The following CTIF variants were observed in gnomAD, a reference collection of about 807,000 sequenced individuals.
CTIF encodes CBP80/20-dependent translation initiation factor.
CTIF carries 21 observed loss-of-function variants against 66.0 expected under a neutral mutation model. That is an observed-to-expected ratio of 0.32 (90% CI 0.23 to 0.46). The LOEUF is 0.46. Ranked by LOEUF, CTIF falls within the 20% of genes least tolerant of loss-of-function variation. CTIF has a pLI of 1.00. For missense variants in CTIF, 739 were observed against 812.7 expected (o/e 0.91, Z 1.10); for synonymous variants, 345 against 326.4 (o/e 1.06, Z -0.62).
At chr18:48,588,544 A>G (rs2089820276) in intron 1 of CTIF, among the ~76,000 whole-genome samples, 1 of 152,030 alleles carries the variant, frequency 6.6e-6, no homozygotes. Flanking sequence ...CCTGTCACCT[A>G]GCTGATCCCC....
intron 10 of CTIF, among the ~76,000 whole-genome samples, chr18:48,820,895 G>T (rs543657785): frequency 6.6e-6 from 1 of 152,170 alleles, no homozygotes; most frequent in Non-Finnish European, 1.5e-5. Context: ...GCTCACAGAG[G>T]CCCCCTTCAT....
chr18:48,852,963 A>G (rs2069242416), intron 10 of CTIF, among the ~76,000 whole-genome samples: 1 of 152,134 alleles, frequency 6.6e-6, no homozygotes, highest in African/African-American at 2.4e-5. Context: ...TGACAGGGGT[A>G]TGGGGAGGGG....
In CTIF at chr18:48,740,412, C is replaced by A. The variant is rs551729932; in HGVS notation, c.585-17507C>A. On this transcript the variant is annotated intron_variant, in intron 7 of 11. Transcript: ENST00000256413. ...ACCTCTTCCTGCAACCCCACCCTCA[C>A]TGGCCATGCACCTGGTGTCTCCATC... Among the ~76,000 whole-genome samples the A allele has an allele frequency of 4.6e-5, 7 of 152,380 alleles. No individual in the cohort carries two copies. In the South Asian group the frequency reaches 1.4e-3, roughly 32 times the overall value.
chr18:48,856,097 G>T (rs1037419623), intron 10 of CTIF, among the ~76,000 whole-genome samples: 11 of 152,192 alleles, frequency 7.2e-5, no homozygotes, highest in Admixed American at 7.2e-4. Context: ...GGAACTGAGA[G>T]AAAAAGCATT....
At chr18:48,567,995 G>T (rs2089316765) in intron 1 of CTIF, 1 of 152,120 alleles carries the variant, frequency 6.6e-6, no homozygotes, top group Non-Finnish European at 1.5e-5. Context: ...AAGTCACAGG[G>T]TTGTGAATAA....
chr18:48,626,816 T>C (rs12954869), intron 2 of CTIF, among the ~76,000 whole-genome samples: 23,188 of 151,934 alleles, frequency 0.15, 1,905 homozygotes, highest in South Asian at 0.26. Flanking sequence ...CCACCATGCC[T>C]GGCTAATTTT....
At chr18:48,718,924 C>A (rs1166278212) in intron 7 of CTIF, among the ~76,000 whole-genome samples, 2 of 152,182 alleles carry the variant, frequency 1.3e-5, no homozygotes, top group African/African-American at 4.8e-5. Context: ...TCCGTGGAGT[C>A]TTCCAGGCCC....
chr18:48,587,437 C>A (rs1422540611), intron 1 of CTIF, among the ~76,000 whole-genome samples: 1 of 151,662 alleles, frequency 6.6e-6, no homozygotes, highest in African/African-American at 2.4e-5. Flanking sequence ...ATTTTTAATA[C>A]AATTAAACCT....
chr18:48,807,667 A>G (rs1344331448), intron 9 of CTIF, among the ~76,000 whole-genome samples: 5 of 145,958 alleles, frequency 3.4e-5, no homozygotes, highest in Non-Finnish European at 7.4e-5. Flanking sequence ...TGCAACTTCC[A>G]CCTCCAGGTG....
chr18:48,683,627 C>T (rs1219755056), intron 6 of CTIF, among the ~76,000 whole-genome samples: 2 of 152,064 alleles, frequency 1.3e-5, no homozygotes, highest in South Asian at 2.1e-4. Flanking sequence ...GCACCCCACC[C>T]CCAAAGGGTT....
At chr18:48,667,466 G>A (rs1357360558) in intron 5 of CTIF, among the ~76,000 whole-genome samples, 2 of 152,284 alleles carry the variant, frequency 1.3e-5, no homozygotes, top group East Asian at 3.9e-4. Flanking sequence ...GACGTCAGTG[G>A]GGACACTGAG....
At chr18:48,692,197 CA>C (rs1292727348) in intron 6 of CTIF, among the ~76,000 whole-genome samples, 4 of 151,888 alleles carry the variant, frequency 2.6e-5, no homozygotes, top group Non-Finnish European at 4.4e-5. Context: ...TAAAACAAAA[CA>C]AAAAACCCTT....
chr18:48,797,660 T>C (rs952665938), intron 9 of CTIF, among the ~76,000 whole-genome samples: 1 of 150,102 alleles, frequency 6.7e-6, no homozygotes, highest in Non-Finnish European at 1.5e-5. Context: ...TATTCTGGGG[T>C]GGGGGGATGC....
At chr18:48,640,584 G>T (rs1568096457) in intron 3 of CTIF, among the ~76,000 whole-genome samples, 1 of 152,256 alleles carries the variant, frequency 6.6e-6, no homozygotes, top group Non-Finnish European at 1.5e-5. Context: ...AGGCTACATG[G>T]AGATGCGGTG....
intron 1 of CTIF, among the ~76,000 whole-genome samples, chr18:48,602,260 A>G (rs1377877745): frequency 6.6e-6 from 1 of 152,242 alleles, no homozygotes; most frequent in Non-Finnish European, 1.5e-5. Flanking sequence ...GTGGGGCACC[A>G]ATTTAATATT....
intron 7 of CTIF, among the ~76,000 whole-genome samples, chr18:48,716,848 G>T (rs1455712799): frequency 2.6e-5 from 4 of 152,226 alleles, no homozygotes; most frequent in African/African-American, 9.6e-5. Context: ...GTTTCATTAA[G>T]TGAGGTCTCG....
At chr18:48,840,950 G>A (rs1477803914) in intron 10 of CTIF, among the ~76,000 whole-genome samples, 1 of 141,238 alleles carries the variant, frequency 7.1e-6, no homozygotes, top group African/African-American at 2.7e-5. Flanking sequence ...CTTCAATACA[G>A]CATGCCAAGA....
intron 3 of CTIF, among the ~76,000 whole-genome samples, chr18:48,642,074 A>G (rs550458921): frequency 7.2e-5 from 11 of 152,346 alleles, no homozygotes; most frequent in Admixed American, 6.5e-4. Context: ...ATTTTTTAGC[A>G]CTTCCTTGGA....
intron 1 of CTIF, among the ~76,000 whole-genome samples, chr18:48,583,856 A>C (rs1364655518): frequency 2.6e-5 from 4 of 152,200 alleles, no homozygotes; most frequent in African/African-American, 9.7e-5. Context: ...TGATGGGAAG[A>C]AGCAGGACAG....
Sources: allele counts gnomAD v4.1 joint callset (sites outside exome capture counted in the v4.1 genomes callset), GRCh38; gene constraint gnomAD v4.1.1; transcripts MANE v1.5; gene names NCBI Gene and HGNC (gene_info 2026-07-23, HGNC 2026-07-21).